Variants in BBS9 observed in about 807,000 individuals in gnomAD.
The protein encoded by BBS9 is protein PTHB1.
BBS9 carries 89 observed loss-of-function variants against 117.7 expected under a neutral mutation model. The observed-to-expected ratio is 0.76, with a 90% confidence interval of 0.64 to 0.90. BBS9 has a LOEUF of 0.90. BBS9 is among the 40% of genes least tolerant of loss of function. BBS9 has a pLI of 0.00. For synonymous variants in BBS9, 379 were observed against 370.9 expected (o/e 1.02, Z -0.25); for missense variants, 982 against 1,042.2 (o/e 0.94, Z 0.80).
In BBS9 at chr7:33,600,740, C is replaced by A. The variant is rs1563431505; in HGVS notation, c.2522-4125C>A. The stretch of plus-strand genomic sequence containing the variant: ...CCTGAGCCATCAGTGGAGTCAACTC[C>A]AGGGCTCACTATGGCTAAGGCTGGG... On this transcript the variant is annotated intron_variant, in intron 21 of 22. Transcript: ENST00000242067. Among the ~76,000 whole-genome samples, 3 of 152,232 alleles carry A rather than the reference C, an allele frequency of 2.0e-5. No homozygotes were observed. In the East Asian group the frequency reaches 5.8e-4, roughly 30 times the overall value.
intron 5 of BBS9, among the ~76,000 whole-genome samples, chr7:33,222,587 C>G (rs1790455200): frequency 6.6e-6 from 1 of 152,062 alleles, no homozygotes. Context: ...TCCTTCTATT[C>G]TCCATTTTTC....
intron 7 of BBS9, among the ~76,000 whole-genome samples, chr7:33,270,641 TA>T (rs1799636982): frequency 6.6e-6 from 1 of 152,096 alleles, no homozygotes; most frequent in South Asian, 2.1e-4. Context: ...CTTTCTGAAA[TA>T]AGACAGTCAG....
chr7:33,447,393 G>A (rs1837150590), intron 19 of BBS9, among the ~76,000 whole-genome samples: 2 of 152,174 alleles, frequency 1.3e-5, no homozygotes, highest in African/African-American at 4.8e-5. Context: ...ATTACACTGA[G>A]CATTTGCAGT....
intron 5 of BBS9, among the ~76,000 whole-genome samples, chr7:33,203,691 A>T (rs1786330768): frequency 6.6e-6 from 1 of 150,738 alleles, no homozygotes; most frequent in African/African-American, 2.4e-5. Context: ...ATCCTTATTT[A>T]TTTATTTTTA....
intron 21 of BBS9, among the ~76,000 whole-genome samples, chr7:33,622,263 T>G (rs1178592304): frequency 6.6e-6 from 1 of 151,886 alleles, no homozygotes; most frequent in Non-Finnish European, 1.5e-5. Context: ...ACCTCACTTA[T>G]TTGTGGAATG....
At chr7:33,335,442 C>T (rs1220004019) in intron 9 of BBS9, among the ~76,000 whole-genome samples, 1 of 151,972 alleles carries the variant, frequency 6.6e-6, no homozygotes, top group Admixed American at 6.6e-5. Flanking sequence ...CTGTAGAAAA[C>T]CTAACAAACA....
At chr7:33,386,215 A>C (rs1825982966) in intron 18 of BBS9, among the ~76,000 whole-genome samples, 1 of 152,160 alleles carries the variant, frequency 6.6e-6, no homozygotes, top group Admixed American at 6.5e-5. Flanking sequence ...CACTTTAAAA[A>C]AGTTAAAATT....
intron 9 of BBS9, among the ~76,000 whole-genome samples, chr7:33,318,569 T>C (rs1474971519): frequency 6.6e-6 from 1 of 152,124 alleles, no homozygotes; most frequent in African/African-American, 2.4e-5. Flanking sequence ...AAATAAAAAT[T>C]ATTATTTTTT....
At chr7:33,345,606 A>G (rs1005537573) in intron 12 of BBS9, among the ~76,000 whole-genome samples, 2 of 152,212 alleles carry the variant, frequency 1.3e-5, no homozygotes, top group African/African-American at 4.8e-5. Flanking sequence ...ACTGGAAACA[A>G]GGGTGGTCTT....
chr7:33,578,848 C>G (rs1859392934), intron 21 of BBS9, among the ~76,000 whole-genome samples: 1 of 152,128 alleles, frequency 6.6e-6, no homozygotes. Context: ...GTGTAGTTTT[C>G]CAACTGGATT....
chr7:33,527,137 G>C (rs184748455), intron 20 of BBS9, among the ~76,000 whole-genome samples: 1 of 150,810 alleles, frequency 6.6e-6, no homozygotes, highest in Non-Finnish European at 1.5e-5. Flanking sequence ...TGGGAGAACC[G>C]CTGCTCTCTT....
intron 21 of BBS9, among the ~76,000 whole-genome samples, chr7:33,555,324 G>A (rs1487993682): frequency 6.6e-6 from 1 of 152,108 alleles, no homozygotes; most frequent in Admixed American, 6.5e-5. Flanking sequence ...CTACATTTAG[G>A]TCAATTTCTT....
At chr7:33,569,580 A>G (rs1857442499) in intron 21 of BBS9, among the ~76,000 whole-genome samples, 1 of 150,452 alleles carries the variant, frequency 6.6e-6, no homozygotes, top group South Asian at 2.1e-4. Context: ...GTGAAATCCC[A>G]TCTCTACTTA....
At chr7:33,267,068 T>A (rs1160204190) in intron 7 of BBS9, among the ~76,000 whole-genome samples, 2 of 152,160 alleles carry the variant, frequency 1.3e-5, no homozygotes, top group Non-Finnish European at 2.9e-5. Flanking sequence ...TTATTTATTT[T>A]TTGCTTCAGA....
intron 19 of BBS9, among the ~76,000 whole-genome samples, chr7:33,492,203 G>GAAGAAA (rs1844027284): frequency 1.4e-5 from 1 of 72,420 alleles, no homozygotes; most frequent in African/African-American, 6.5e-5. Flanking sequence ...ATTCCACCTC[G>GAAGAAA]AAAAAAAAAA....
chr7:33,460,559 A>G (rs1038304411), intron 19 of BBS9, among the ~76,000 whole-genome samples: 3 of 152,058 alleles, frequency 2.0e-5, no homozygotes, highest in Non-Finnish European at 4.4e-5. Flanking sequence ...CATATAAAGA[A>G]AAATACAAGC....
At chr7:33,380,395 A>T (rs1326075994) in intron 17 of BBS9, 1 of 156,170 alleles carries the variant, frequency 6.4e-6, no homozygotes, top group Non-Finnish European at 1.4e-5. Context: ...TTGGACAAGG[A>T]GGTGGATGTG....
chr7:33,230,621 C>A (rs1792175974), intron 5 of BBS9, among the ~76,000 whole-genome samples: 1 of 152,110 alleles, frequency 6.6e-6, no homozygotes, highest in Non-Finnish European at 1.5e-5. Flanking sequence ...CCACTCTGTA[C>A]ACCTTTGTGT....
intron 5 of BBS9, chr7:33,177,816 A>G: frequency 3.9e-6 from 2 of 514,254 alleles, no homozygotes; most frequent in East Asian, 3.3e-5. Flanking sequence ...CCTGGTTAGT[A>G]CTTGGATAGG....
Sources: allele counts gnomAD v4.1 joint callset (sites outside exome capture counted in the v4.1 genomes callset), GRCh38; gene constraint gnomAD v4.1.1; transcripts MANE v1.5; gene names NCBI Gene and HGNC (gene_info 2026-07-23, HGNC 2026-07-21).